The following NSD1 variants were observed in gnomAD, a reference collection of about 807,000 sequenced individuals.
The protein encoded by NSD1 is nuclear receptor binding SET domain protein 1, also known as histone-lysine N-methyltransferase, H3 lysine-36 specific.
NSD1 carries 26 observed loss-of-function variants against 242.7 expected under a neutral mutation model. The ratio of observed to expected loss-of-function variants is 0.11; its 90% CI spans 0.08 to 0.15. The LOEUF (loss-of-function observed/expected upper bound fraction) is 0.15. NSD1 is among the 10% of genes least tolerant of loss of function. The pLI, the probability that NSD1 is intolerant of heterozygous loss-of-function variation, is 1.00. For synonymous variants in NSD1, 1,106 were observed against 1,178.1 expected (o/e 0.94, Z 1.25); for missense variants, 2,495 against 3,272.8 (o/e 0.76, Z 5.80).
At chr5:177,224,672 C>T (rs567315337) in intron 5 of NSD1, among the ~76,000 whole-genome samples, 69 of 149,584 alleles carry the variant, frequency 4.6e-4, no homozygotes, top group African/African-American at 1.6e-3. Context: ...AATCTAGTTG[C>T]CCTTTTCCCC....
Position 177,134,715 on chromosome 5 carries a change from T to A in NSD1, c.-17-372T>A, listed in dbSNP as rs1252231980. Among the ~76,000 whole-genome samples the A allele has an allele frequency of 6.6e-6, 1 of 152,142 alleles. No individual in the cohort carries two copies. The highest frequency in any genetic ancestry group is 1.9e-4 in the East Asian group (1 of 5,184). On this transcript the variant is annotated intron_variant, in intron 1 of 22. Coordinates refer to ENST00000439151, the MANE Select transcript of NSD1 (RefSeq NM_022455.5). The surrounding 1 kb of genome is among the most constrained non-coding windows in gnomAD (Gnocchi z 4.2). ...GGAGCCCCCCTCGGACCCCGCAGCC[T>A]TTTGCTTTTGAGAGATCCAGCTGCT...
At chr5:177,266,213 A>C (rs963546869) in intron 14 of NSD1, 5 of 915,040 alleles carry the variant, frequency 5.5e-6, no homozygotes, top group Admixed American at 1.7e-5. Flanking sequence ...CCACTTGCTG[A>C]TGATGATGTT....
At chr5:177,193,853 C>T (rs1761893344) in intron 3 of NSD1, among the ~76,000 whole-genome samples, 1 of 152,134 alleles carries the variant, frequency 6.6e-6, no homozygotes, top group Admixed American at 6.6e-5. Flanking sequence ...CGGCTCACTG[C>T]AACCTCTGCC....
At position 177,212,185 on chromosome 5, in the gene NSD1, C is replaced by T. The variant is rs1228134157; in HGVS notation, c.3786C>T (p.Leu1262=). The T allele has an allele frequency of 1.9e-6, 3 of 1,613,466 alleles. No homozygotes were observed. Among genetic ancestry groups the T allele is most frequent in the African/African-American group, 2.7e-5 (2 of 74,710 alleles). The stretch of plus-strand genomic sequence containing the variant: ...CCAGTTTGACACCACAGGCTGAGCT[C>T]CCTGAACCAGGTAAGGACATCTAAA... ...GIPSLTPQAE[L]PEPAVRSEKK... The change falls in exon 5 of 23, where the codon CTC becomes CTT. Residue 1262 remains leucine, a synonymous_variant. Transcript: ENST00000439151.
intron 14 of NSD1, chr5:177,265,571 C>T: frequency 1.7e-6 from 2 of 1,178,674 alleles, no homozygotes; most frequent in Non-Finnish European, 2.5e-6. Context: ...AGCCGGGCCT[C>T]AGCACATCCT....
At chr5:177,151,490 G>A (rs909950322) in intron 2 of NSD1, among the ~76,000 whole-genome samples, 4 of 152,026 alleles carry the variant, frequency 2.6e-5, no homozygotes, top group Non-Finnish European at 5.9e-5. Flanking sequence ...CCGGGTTCAA[G>A]CGATTCACCT....
intron 2 of NSD1, among the ~76,000 whole-genome samples, chr5:177,186,721 G>A (rs936006261): frequency 1.3e-5 from 2 of 152,120 alleles, no homozygotes; most frequent in African/African-American, 4.8e-5. Context: ...GGCCGTGGTG[G>A]CTCAGGCCTA....
chr5:177,166,598 T>A (rs1300611349), intron 2 of NSD1, among the ~76,000 whole-genome samples: 1 of 151,512 alleles, frequency 6.6e-6, no homozygotes, highest in Non-Finnish European at 1.5e-5. Context: ...ACTTCACCTA[T>A]TTTTTTTGTT....
At chr5:177,275,433 G>GTTT (rs1420229113) in intron 17 of NSD1, among the ~76,000 whole-genome samples, 11 of 60,642 alleles carry the variant, frequency 1.8e-4, no homozygotes, top group African/African-American at 4.6e-4. Context: ...TGCTTCCCTT[G>GTTT]TCTTTTTTTT....
At chr5:177,275,862 C>T (rs916045020) in intron 17 of NSD1, among the ~76,000 whole-genome samples, 1 of 152,202 alleles carries the variant, frequency 6.6e-6, no homozygotes, top group African/African-American at 2.4e-5. Context: ...AAATTCCATA[C>T]CGTGTCTTAG....
At chr5:177,183,360 C>T (rs1226546158) in intron 2 of NSD1, among the ~76,000 whole-genome samples, 2 of 152,116 alleles carry the variant, frequency 1.3e-5, no homozygotes, top group Admixed American at 6.5e-5. Flanking sequence ...GTCTTGAAAC[C>T]GAACCTGTAG....
intron 2 of NSD1, among the ~76,000 whole-genome samples, chr5:177,158,574 G>GTTGGTCT (rs1758399692): frequency 6.6e-6 from 1 of 151,952 alleles, no homozygotes; most frequent in Non-Finnish European, 1.5e-5. Flanking sequence ...CTGACCTCAG[G>GTTGGTCT]TGATTCACCC....
intron 2 of NSD1, among the ~76,000 whole-genome samples, chr5:177,140,186 T>C (rs1426900843): frequency 6.6e-6 from 1 of 152,220 alleles, no homozygotes; most frequent in Non-Finnish European, 1.5e-5. Context: ...CCTGACCTGG[T>C]ACTTTTATAT....
chr5:177,175,115 C>G (rs147054363), intron 2 of NSD1, among the ~76,000 whole-genome samples: 1 of 152,094 alleles, frequency 6.6e-6, no homozygotes, highest in Non-Finnish European at 1.5e-5. Flanking sequence ...TCGTGATCCA[C>G]TCGCCTCAGC....
chr5:177,275,650 G>C (rs1366804087), intron 17 of NSD1, among the ~76,000 whole-genome samples: 1 of 151,726 alleles, frequency 6.6e-6, no homozygotes, highest in Non-Finnish European at 1.5e-5. Flanking sequence ...AGCCAGGATG[G>C]TCTCGATCTC....
chr5:177,266,298 C>G (rs1757452696), intron 14 of NSD1: 2 of 732,232 alleles, frequency 2.7e-6, no homozygotes, highest in Non-Finnish European at 5.1e-6. Flanking sequence ...AACTTGTTGG[C>G]TTTGACAATC....
At chr5:177,142,966 C>T (rs1038885260) in intron 2 of NSD1, among the ~76,000 whole-genome samples, 6 of 152,192 alleles carry the variant, frequency 3.9e-5, no homozygotes, top group African/African-American at 1.4e-4. Flanking sequence ...TTGCTCCATA[C>T]TCTCCCCTTG....
At chr5:177,288,763 C>T (rs970898187) in intron 20 of NSD1, 56 bp from the exon 21 acceptor site, 3 of 1,273,264 alleles carry the variant, frequency 2.4e-6, no homozygotes, top group African/African-American at 2.9e-5. Flanking sequence ...GTAATTAATA[C>T]AGAAATAATG....
chr5:177,227,817 T>C (rs2149873777), intron 5 of NSD1, among the ~76,000 whole-genome samples: 2 of 152,060 alleles, frequency 1.3e-5, no homozygotes, highest in Middle Eastern at 6.8e-3. Context: ...GCACAGTGGC[T>C]CACACCTGTA....
Sources: gnomAD v4.1 joint callset for allele counts (sites outside exome capture counted in the v4.1 genomes callset) on GRCh38, gnomAD v4.1.1 for gene constraint, Gnocchi (gnomAD v3.1) non-coding constraint, MANE v1.5 for transcripts, NCBI Gene and HGNC (gene_info 2026-07-23, HGNC 2026-07-21) for gene names.